LIN7A: variants seen among roughly 807,000 people sequenced by gnomAD.
LIN7A encodes protein lin-7 homolog A.
LIN7A carries 25 observed loss-of-function variants against 29.8 expected under a neutral mutation model. The observed-to-expected ratio is 0.84, with a 90% CI of 0.61 to 1.17. LIN7A has a LOEUF of 1.17. Ranked by LOEUF, LIN7A falls within the 50% of genes most tolerant of loss-of-function variation. The probability of loss-of-function intolerance (pLI) is 0.00; values close to 1 mark genes in which losing one functional copy is unlikely to be tolerated. For missense variants in LIN7A, 239 were observed against 287.0 expected, an observed-to-expected ratio of 0.83 and a Z score of 1.21; for synonymous variants, 118 against 107.5, an observed-to-expected ratio of 1.10 and a Z score of -0.60.
chr12:80,913,962 C>T (rs1345672867), intron 1 of LIN7A, among the ~76,000 whole-genome samples: 1 of 152,170 alleles, frequency 6.6e-6, no homozygotes, highest in Non-Finnish European at 1.5e-5. Flanking sequence ...ATATCAGTCC[C>T]AATTTATCCT....
chr12:80,804,749 T>C (rs1036514993), intron 5 of LIN7A, among the ~76,000 whole-genome samples: 6 of 152,072 alleles, frequency 3.9e-5, no homozygotes, highest in African/African-American at 1.4e-4. Context: ...AGATGGGGTT[T>C]TGCCATGTTG....
At chr12:80,936,551 C>A (rs926572816) in intron 1 of LIN7A, 1 of 152,220 alleles carries the variant, frequency 6.6e-6, no homozygotes, top group African/African-American at 2.4e-5. Flanking sequence ...CGCCCAGGGT[C>A]CTAAATCCGG....
At chr12:80,832,307 G>A (rs182311007) in intron 4 of LIN7A, among the ~76,000 whole-genome samples, 4 of 152,202 alleles carry the variant, frequency 2.6e-5, no homozygotes, top group East Asian at 3.9e-4. Flanking sequence ...TGCCAGACAT[G>A]GTACCATGGT....
chr12:80,856,980 A>G (rs1171466247), intron 2 of LIN7A, among the ~76,000 whole-genome samples: 2 of 152,212 alleles, frequency 1.3e-5, no homozygotes, highest in African/African-American at 4.8e-5. Flanking sequence ...AGTTGCCCCA[A>G]TATCCTTATG....
chr12:80,911,346 G>A (rs1876738658), intron 1 of LIN7A, among the ~76,000 whole-genome samples: 1 of 150,106 alleles, frequency 6.7e-6, no homozygotes, highest in Non-Finnish European at 1.5e-5. Context: ...GAGCTCCTAG[G>A]CTAAAGAGAT....
intron 1 of LIN7A, chr12:80,936,830 C>A (rs1323926595): frequency 1.3e-5 from 2 of 152,274 alleles, no homozygotes; most frequent in Non-Finnish European, 2.9e-5. Flanking sequence ...AATTTTAACC[C>A]GACCTGCGCT....
chr12:80,848,480 A>C (rs531868234), intron 2 of LIN7A, among the ~76,000 whole-genome samples, 158 bp from the exon 3 acceptor site: 3 of 152,322 alleles, frequency 2.0e-5, no homozygotes, highest in Non-Finnish European at 4.4e-5. Flanking sequence ...AGCACTCCTT[A>C]AACAGCAGAT....
chr12:80,911,278 T>TC, intron 1 of LIN7A, among the ~76,000 whole-genome samples: 1 of 150,112 alleles, frequency 6.7e-6, no homozygotes, highest in East Asian at 1.9e-4. Context: ...ATTTTTTTTT[T>TC]TTTTTTTTTT....
At chr12:80,879,664 A>AAAG (rs1874919827) in intron 2 of LIN7A, among the ~76,000 whole-genome samples, 1 of 151,020 alleles carries the variant, frequency 6.6e-6, no homozygotes, top group Non-Finnish European at 1.5e-5. Flanking sequence ...AAAAAAAAAA[A>AAAG]AAAAAAAAGG....
At chr12:80,901,070 C>A (rs1876187566) in intron 1 of LIN7A, among the ~76,000 whole-genome samples, 1 of 152,096 alleles carries the variant, frequency 6.6e-6, no homozygotes, top group African/African-American at 2.4e-5. Flanking sequence ...AGTTTACATG[C>A]AGACAAACTT....
At chr12:80,871,758 A>C (rs1443417081) in intron 2 of LIN7A, among the ~76,000 whole-genome samples, 1 of 151,906 alleles carries the variant, frequency 6.6e-6, no homozygotes, top group Admixed American at 6.5e-5. Flanking sequence ...AACTAAATAT[A>C]AGTATTGATG....
intron 4 of LIN7A, among the ~76,000 whole-genome samples, chr12:80,814,239 T>C (rs1871426561): frequency 6.6e-6 from 1 of 152,198 alleles, no homozygotes; most frequent in Non-Finnish European, 1.5e-5. Context: ...GAAGGTAAAC[T>C]TTGACAGCAT....
intron 1 of LIN7A, among the ~76,000 whole-genome samples, chr12:80,901,674 T>C (rs1338353430): frequency 7.1e-6 from 1 of 140,110 alleles, no homozygotes; most frequent in East Asian, 2.6e-4. Flanking sequence ...GGAGAGTTTG[T>C]TATAAAGAAA....
chr12:80,806,385 CTA>C (rs1164497587), intron 5 of LIN7A, among the ~76,000 whole-genome samples: 3 of 152,066 alleles, frequency 2.0e-5, no homozygotes, highest in South Asian at 4.1e-4. Context: ...GGGGAAAAGA[CTA>C]TTGATTTTTA....
At chr12:80,916,302 G>A (rs943931612) in intron 1 of LIN7A, among the ~76,000 whole-genome samples, 3 of 152,140 alleles carry the variant, frequency 2.0e-5, no homozygotes, top group Non-Finnish European at 4.4e-5. Flanking sequence ...AAAAGCCAAA[G>A]TCTTTAAAAT....
intron 2 of LIN7A, among the ~76,000 whole-genome samples, chr12:80,885,703 T>A (rs944756328): frequency 3.3e-5 from 5 of 152,078 alleles, no homozygotes; most frequent in African/African-American, 4.8e-5. Context: ...AGCATATATT[T>A]TCATGCTTTC....
intron 1 of LIN7A, among the ~76,000 whole-genome samples, chr12:80,899,213 C>T (rs1876068606): frequency 6.6e-6 from 1 of 152,084 alleles, no homozygotes; most frequent in South Asian, 2.1e-4. Context: ...TTATCAAAAG[C>T]CTTCTCTACA....
intron 5 of LIN7A, among the ~76,000 whole-genome samples, chr12:80,809,167 G>A (rs1454964668): frequency 6.6e-6 from 1 of 151,400 alleles, no homozygotes; most frequent in Non-Finnish European, 1.5e-5. Context: ...GGGATTTGAC[G>A]ATGTTGGTCA....
At chr12:80,903,174 G>C (rs568497166) in intron 1 of LIN7A, among the ~76,000 whole-genome samples, 7 of 151,762 alleles carry the variant, frequency 4.6e-5, no homozygotes, top group African/African-American at 1.7e-4. Flanking sequence ...AAACCAATTG[G>C]AGTACTCTAT....
Sources: allele counts gnomAD v4.1 joint callset (sites outside exome capture counted in the v4.1 genomes callset), GRCh38; gene constraint gnomAD v4.1.1; transcripts MANE v1.5; gene names NCBI Gene and HGNC (gene_info 2026-07-23, HGNC 2026-07-21).